Variants in ANXA8 observed in about 807,000 individuals in gnomAD.
The protein encoded by ANXA8 is annexin A8.
ANXA8 carries 9 observed loss-of-function variants against 26.8 expected under a neutral mutation model. The observed-to-expected ratio is 0.34, with a 90% CI of 0.20 to 0.59. The LOEUF (loss-of-function observed/expected upper bound fraction) is 0.59. Ranked by LOEUF, ANXA8 falls within the 20% of genes least tolerant of loss-of-function variation. The pLI is 0.84. For synonymous variants in ANXA8, 39 were observed against 94.8 expected (o/e 0.41, Z 3.42); for missense variants, 83 against 238.5 (o/e 0.35, Z 4.29).
chr10:47,560,601 C>T, the ANXA8 span, among the ~76,000 whole-genome samples: 1 of 151,918 alleles, frequency 6.6e-6, no homozygotes, highest in South Asian at 2.1e-4. Flanking sequence ...TTGCAGGGCA[C>T]CGTGCCAGAT....
At chr10:47,767,596 C>T in the ANXA8 span, among the ~76,000 whole-genome samples, 1 of 149,564 alleles carries the variant, frequency 6.7e-6, no homozygotes, top group East Asian at 2.1e-4. Context: ...GTACCTGGCA[C>T]TCCCCTACTC....
the ANXA8 span, among the ~76,000 whole-genome samples, chr10:47,650,713 A>G: frequency 6.8e-6 from 1 of 146,902 alleles, no homozygotes; most frequent in South Asian, 2.2e-4. Context: ...AGGCTGAGGC[A>G]GGAGAATGGT....
the ANXA8 span, among the ~76,000 whole-genome samples, chr10:47,604,299 TCATAA>T: frequency 1.3e-5 from 2 of 151,938 alleles, no homozygotes; most frequent in Non-Finnish European, 2.9e-5. Flanking sequence ...CATATATATA[TCATAA>T]CATATATATC....
At chr10:47,597,076 A>T in the ANXA8 span, among the ~76,000 whole-genome samples, 7 of 149,436 alleles carry the variant, frequency 4.7e-5, no homozygotes, top group Admixed American at 1.3e-4. Context: ...TGAACTTTAT[A>T]CCTGGGATGT....
At chr10:47,528,330 C>T in the ANXA8 span, among the ~76,000 whole-genome samples, 26 of 138,540 alleles carry the variant, frequency 1.9e-4, no homozygotes, top group African/African-American at 4.6e-4. Flanking sequence ...CCGCCTGTCT[C>T]GGCCTCCCAA....
chr10:47,659,676 C>CAAA, the ANXA8 span, among the ~76,000 whole-genome samples: 1 of 80,550 alleles, frequency 1.2e-5, no homozygotes, highest in Non-Finnish European at 2.6e-5. Flanking sequence ...AACTCTGTCT[C>CAAA]AAAAAAAAAA....
the ANXA8 span, among the ~76,000 whole-genome samples, chr10:47,966,523 A>C: frequency 4.0e-3 from 600 of 148,724 alleles, no homozygotes; most frequent in African/African-American, 0.014. Context: ...AGGCCTCCAA[A>C]TCAGATCCTG....
chr10:47,744,422 T>TGGGGGGGGGGGGGGGGAGGGGGGGGG, the ANXA8 span, among the ~76,000 whole-genome samples: 1 of 11,728 alleles, frequency 8.5e-5, no homozygotes. Context: ...GGGGGGGGGG[T>TGGGGGGGGGGGGGGGGAGGGGGGGGG]TGGGGGGGAG....
At chr10:47,683,796 C>A in the ANXA8 span, among the ~76,000 whole-genome samples, 1 of 150,798 alleles carries the variant, frequency 6.6e-6, no homozygotes, top group Non-Finnish European at 1.5e-5. Context: ...TCATTTGATG[C>A]TATTGAGCAA....
chr10:47,676,928 GAAAGA>G, the ANXA8 span, among the ~76,000 whole-genome samples: 4 of 140,964 alleles, frequency 2.8e-5, no homozygotes, highest in African/African-American at 1.1e-4. Flanking sequence ...CAAAAACAAA[GAAAGA>G]AAAGAAAAGG....
the ANXA8 span, among the ~76,000 whole-genome samples, chr10:47,609,370 A>G: frequency 7.3e-6 from 1 of 136,602 alleles, no homozygotes; most frequent in African/African-American, 3.1e-5. Context: ...GGCAAGAAAG[A>G]GCTCACGATG....
the ANXA8 span, among the ~76,000 whole-genome samples, chr10:47,492,637 T>C: frequency 7.8e-5 from 11 of 140,384 alleles, 1 homozygote; most frequent in African/African-American, 3.1e-4. Flanking sequence ...TTCTTGGCTG[T>C]GTCCCTAATC....
At chr10:47,720,901 CTTT>C in the ANXA8 span, among the ~76,000 whole-genome samples, 40 of 139,406 alleles carry the variant, frequency 2.9e-4, 2 homozygotes, top group African/African-American at 8.6e-4. Context: ...AATCCCAGCA[CTTT>C]GGGAGGCCGT....
chr10:47,594,181 G>T, the ANXA8 span, among the ~76,000 whole-genome samples: 2 of 148,800 alleles, frequency 1.3e-5, no homozygotes, highest in African/African-American at 5.0e-5. Context: ...CCTTGTGATC[G>T]TGTGAGTCAA....
At chr10:47,481,485 C>T (rs1276131065) in intron 1 of ANXA8, among the ~76,000 whole-genome samples, 1 of 140,768 alleles carries the variant, frequency 7.1e-6, no homozygotes. Context: ...GAAGCTTCAC[C>T]CACAGGAACG....
At chr10:47,674,760 G>A in the ANXA8 span, among the ~76,000 whole-genome samples, 4 of 151,692 alleles carry the variant, frequency 2.6e-5, no homozygotes, top group Admixed American at 1.3e-4. Context: ...TGGACTTATG[G>A]ATATTTTATA....
chr10:47,576,696 T>G, the ANXA8 span, among the ~76,000 whole-genome samples: 3 of 150,530 alleles, frequency 2.0e-5, no homozygotes, highest in Admixed American at 1.3e-4. Context: ...ATTTCTGTAT[T>G]TTTTGGAGAG....
At chr10:47,589,910 TA>T in the ANXA8 span, among the ~76,000 whole-genome samples, 1 of 137,254 alleles carries the variant, frequency 7.3e-6, no homozygotes, top group Non-Finnish European at 1.5e-5. Context: ...AGATGATAGA[TA>T]GATAGATAGA....
At chr10:47,779,315 T>C in the ANXA8 span, among the ~76,000 whole-genome samples, 541 of 74,662 alleles carry the variant, frequency 7.2e-3, 2 homozygotes, top group Non-Finnish European at 0.012. Flanking sequence ...GAGCTGACTT[T>C]GCAAGGTATT....
Sources: allele counts gnomAD v4.1 joint callset (sites outside exome capture counted in the v4.1 genomes callset), GRCh38; gene constraint gnomAD v4.1.1; transcripts MANE v1.5; gene names NCBI Gene and HGNC (gene_info 2026-07-23, HGNC 2026-07-21).